The following USF3 variants were observed in gnomAD, a reference collection of about 807,000 sequenced individuals.
USF3 encodes upstream transcription factor family member 3.
A neutral mutation model predicts 157.5 loss-of-function variants in USF3; 29 were observed. The observed-to-expected ratio is 0.18, with a 90% CI of 0.14 to 0.25. USF3 has a LOEUF of 0.25. Among genes scored for constraint, USF3 ranks in the 10% least tolerant of loss-of-function variants. The pLI is 1.00. For synonymous variants in USF3, 893 were observed against 941.4 expected, an observed-to-expected ratio of 0.95 and a Z score of 0.94; for missense variants, 2,381 against 2,667.6, an observed-to-expected ratio of 0.89 and a Z score of 2.37.
chr3:113,676,924 G>A (rs948587813), intron 2 of USF3, among the ~76,000 whole-genome samples: 2 of 152,080 alleles, frequency 1.3e-5, no homozygotes, highest in South Asian at 2.1e-4. Context: ...GAAATTTTGC[G>A]GGTACAGCAC....
rs1947248539 is a variant in USF3, at chr3:113,650,836, C to T, written c.*4108G>A. On this transcript the variant is annotated 3_prime_UTR_variant, in exon 7 of 7. Transcript: ENST00000316407. ...AAAATAACCCCCTCCTTTCTCTTTC[C>T]CCAGTTCTGATATGTTAAATTTTAC... 1 of 152,070 alleles carries T rather than the reference C, an allele frequency of 6.6e-6. No individual in the cohort carries two copies. The highest frequency in any genetic ancestry group is 1.5e-5 in the Non-Finnish European group (1 of 68,012). 9.4% of individuals were successfully genotyped at this position (152,070 alleles called of 1,614,324 possible).
Position 113,685,364 on chromosome 3 carries a change from T to C in USF3, c.-134-7967A>G, listed in dbSNP as rs1169311734. 2.6e-5 allele frequency among the ~76,000 whole-genome samples: 4 copies of C among 152,140 alleles called. 1 individual carries two copies. The East Asian group carries it at 7.7e-4, about 29-fold the overall frequency. ...GCAACTATCTCCTGACTATCACTGA[T>C]GTTTATTCAAGCCCAGGGGCTCTTT... On this transcript the variant is annotated intron_variant, in intron 1 of 6. Coordinates refer to ENST00000316407, the MANE Select transcript of USF3 (RefSeq NM_001009899.4).
Position 113,656,593 on chromosome 3 carries a change from G to T in USF3, c.5089C>A (p.Gln1697Lys). 6.2e-7 allele frequency: 1 copy of T among 1,614,166 alleles called. No homozygotes were observed. Among genetic ancestry groups the T allele is most frequent in the Middle Eastern group, 1.6e-4 (1 of 6,062 alleles). Residue 1697 changes from glutamine (Q) to lysine (K), a missense_variant, in exon 7 of 7, where the codon CAG becomes AAG. Gln to Lys is a moderately conservative substitution (Grantham distance 53). Around this residue, in one of 6 missense-constraint regions of USF3, gnomAD observed 770 missense variants for 824.2 expected, o/e 0.93. Transcript: ENST00000316407. ...ISIQGSRVSD[Q>K]LEMRSYLDVP... ...TCAAGATAGCTTCTCATTTCAAGCT[G>T]ATCTGAAACTCTGGAACCCTGAATT...
intron 6 of USF3, among the ~76,000 whole-genome samples, chr3:113,663,760 C>T (rs1947522443): frequency 6.6e-6 from 1 of 152,196 alleles, no homozygotes; most frequent in Non-Finnish European, 1.5e-5. Context: ...ACTTTCTCTC[C>T]AATGCTAATG....
Position 113,655,550 on chromosome 3 carries a change from G to A in USF3, c.6132C>T (p.Ser2044=), listed in dbSNP as rs555995730. Residue 2044 remains serine (S), a synonymous_variant, in exon 7 of 7, where the codon AGC becomes AGT. Coordinates refer to ENST00000316407, the MANE Select transcript of USF3 (RefSeq NM_001009899.4). ...RGSIVRFMPD[S]PQVPNDNSGP... ...CTGAATTATCATTAGGTACTTGTGG[G>A]CTATCAGGCATGAAACGAACAATAC... 2.5e-6 allele frequency: 4 copies of A among 1,614,170 alleles called. No homozygotes were observed. The highest frequency in any genetic ancestry group is 1.3e-5 in the African/African-American group (1 of 75,034).
At chr3:113,672,332 G>C (rs1707177638) in intron 4 of USF3, among the ~76,000 whole-genome samples, 1 of 151,512 alleles carries the variant, frequency 6.6e-6, no homozygotes, top group Admixed American at 6.6e-5. Flanking sequence ...CGCCATGTTG[G>C]CCAGGCTGGT....
rs188019825 is a variant in USF3, at chr3:113,683,268, A to C, written c.-134-5871T>G. 2.3e-4 allele frequency among the ~76,000 whole-genome samples: 35 copies of C among 149,438 alleles called. No homozygotes were observed. The East Asian group carries it at 3.4e-3, about 14-fold the overall frequency. ...CTCTAGTTTTTAATCTATAAAAACTATTATCTAGTTTTTAATCTATAAAAA... is the reference window on the plus strand; with the variant it reads ...CTCTAGTTTTTAATCTATAAAAACTCTTATCTAGTTTTTAATCTATAAAAA... On this transcript the variant is annotated intron_variant, in intron 1 of 6. Coordinates refer to ENST00000316407, the MANE Select transcript of USF3 (RefSeq NM_001009899.4).
rs1171552250 is a variant in USF3 at position 113,648,580 on chromosome 3, T to C, written c.*6364A>G. The stretch of plus-strand genomic sequence containing the variant: ...AAGATGTCAAAATAAACAGGACCTA[T>C]TCTTATTTACAACTGTAGGACAATC... On this transcript the variant is annotated 3_prime_UTR_variant, in exon 7 of 7. Coordinates refer to ENST00000316407, the MANE Select transcript of USF3 (RefSeq NM_001009899.4). 1 of 152,622 alleles carries C rather than the reference T, an allele frequency of 6.6e-6. No homozygotes were observed. The highest frequency in any genetic ancestry group is 1.5e-5 in the Non-Finnish European group (1 of 68,016). The allele number at this position is 152,622 out of a possible 1,614,324, so 9.5% of individuals were successfully genotyped here. A position where few individuals can be genotyped will look rare whatever the true frequency, so the allele number is the denominator to read the frequency against.
rs1204309908 is a variant in USF3, at chr3:113,655,368, T to C, written c.6314A>G (p.Asn2105Ser). ...TPALIPVDPQ[N>S]TLPSFYPPYS... ...TGGAGGATAGAAGGAGGGCAGAGTA[T>C]TTTGCGGATCTACCGGGATGAGGGC... The change falls in exon 7 of 7, where the codon AAT (asparagine) becomes AGT (serine). Residue 2105 changes from asparagine (N) to serine (S), a missense_variant. This residue lies in a region of USF3 where 770 missense variants were observed against 824.2 expected (regional missense o/e 0.93). Coordinates refer to ENST00000316407, the MANE Select transcript of USF3 (RefSeq NM_001009899.4). The C allele has an allele frequency of 6.2e-7, 1 of 1,613,958 alleles. No homozygotes were observed. The highest frequency in any genetic ancestry group is 1.1e-5 in the South Asian group (1 of 91,074).
intron 4 of USF3, 115 bp downstream of exon 4, chr3:113,673,233 A>G: frequency 1.4e-6 from 1 of 728,722 alleles, no homozygotes; most frequent in South Asian, 1.7e-5. Flanking sequence ...ACATTTTCCT[A>G]AAACATAATG....
rs1947354550 is a variant in USF3, at chr3:113,656,172, C to T, written c.5510G>A (p.Arg1837Lys). ...HLSDQVIGSQRSLSEHQRNTQ... is the reference protein window; with the variant it reads ...HLSDQVIGSQKSLSEHQRNTQ... The stretch of plus-strand genomic sequence containing the variant: ...ATTCCTCTGATGTTCTGAGAGTGAC[C>T]TCTGGCTCCCAATGACCTGATCACT... Residue 1837 changes from arginine to lysine, a missense_variant, in exon 7 of 7, where the codon AGG becomes AAG. Coordinates refer to ENST00000316407, the MANE Select transcript of USF3 (RefSeq NM_001009899.4). 1 of 1,613,998 alleles carries T rather than the reference C, an allele frequency of 6.2e-7. No individual in the cohort carries two copies. Among genetic ancestry groups the T allele is most frequent in the Admixed American group, 1.7e-5 (1 of 60,004 alleles).
intron 1 of USF3, among the ~76,000 whole-genome samples, chr3:113,677,874 T>A (rs994050540): frequency 6.6e-6 from 1 of 152,164 alleles, no homozygotes; most frequent in South Asian, 2.1e-4. Flanking sequence ...TTGCATTGCA[T>A]GTGTTCTTTA....
intron 1 of USF3, among the ~76,000 whole-genome samples, chr3:113,690,950 G>T (rs1377809083): frequency 6.6e-6 from 1 of 152,132 alleles, no homozygotes; most frequent in African/African-American, 2.4e-5. Context: ...CACTTTGAGA[G>T]GCCAAGGGAG....
At chr3:113,689,886 G>A (rs1248479436) in intron 1 of USF3, among the ~76,000 whole-genome samples, 4 of 152,102 alleles carry the variant, frequency 2.6e-5, no homozygotes, top group Non-Finnish European at 4.4e-5. Flanking sequence ...TAACATGAAC[G>A]CTTTTCTTTC....
At position 113,656,995 on chromosome 3, in the gene USF3, G is replaced by T; in HGVS notation, c.4687C>A (p.Gln1563Lys). 6.2e-7 allele frequency: 1 copy of T among 1,614,176 alleles called. No individual in the cohort carries two copies. The highest frequency in any genetic ancestry group is 8.5e-7 in the Non-Finnish European group (1 of 1,180,040). The change falls in exon 7 of 7, where the codon CAG becomes AAG. Residue 1563 changes from glutamine (Q) to lysine (K), a missense_variant. Around this residue, in one of 6 missense-constraint regions of USF3, gnomAD observed 770 missense variants for 824.2 expected, o/e 0.93. Transcript: ENST00000316407. ...CCAAAGTGTTGCTGCATTTGTTGCTGCATCTGCTGATGGTGGGGATGTGGC... is the reference window on the plus strand; with the variant it reads ...CCAAAGTGTTGCTGCATTTGTTGCTTCATCTGCTGATGGTGGGGATGTGGC... ...GQPHPHHQQM[Q>K]QQMQQHFGSS...
rs567893125 is a variant in USF3, at chr3:113,687,828, T to C, written c.-135+8542A>G. Among the ~76,000 whole-genome samples, 30 of 152,380 alleles carry C rather than the reference T, an allele frequency of 2.0e-4. No individual in the cohort carries two copies. In the South Asian group the frequency reaches 5.8e-3, roughly 29 times the overall value. ...TAAGGCAGGAACAACTTCGTCCTTT[T>C]ATCCCAAGGGCTTAGCACAATACAT... On this transcript the variant is annotated intron_variant, in intron 1 of 6. Coordinates refer to ENST00000316407, the MANE Select transcript of USF3 (RefSeq NM_001009899.4).
chr3:113,655,733 T>A lies in USF3; in HGVS notation c.5949A>T (p.Gln1983His). The change falls in exon 7 of 7, where the codon CAA becomes CAT. Residue 1983 changes from glutamine (Q) to histidine (H), a missense_variant. Transcript: ENST00000316407. ...GACGAATTTTGGAACCACTGCTGTCTTGCAGGGGATGCCTTGATCTCTGGG... is the reference window on the plus strand; with the variant it reads ...GACGAATTTTGGAACCACTGCTGTCATGCAGGGGATGCCTTGATCTCTGGG... ...SVPQRSRHPL[Q>H]DSSGSKIRQP... The A allele has an allele frequency of 1.2e-6, 2 of 1,613,988 alleles. No individual in the cohort carries two copies. Among genetic ancestry groups the A allele is most frequent in the Non-Finnish European group, 1.7e-6 (2 of 1,179,956 alleles).
chr3:113,685,462 G>C (rs926563824), intron 1 of USF3, among the ~76,000 whole-genome samples: 1 of 152,130 alleles, frequency 6.6e-6, no homozygotes, highest in East Asian at 1.9e-4. Flanking sequence ...CTGGCCCAGT[G>C]GGGGGTCTAG....
intron 1 of USF3, among the ~76,000 whole-genome samples, chr3:113,682,871 T>C (rs1230848292): frequency 6.6e-6 from 1 of 151,974 alleles, no homozygotes; most frequent in Non-Finnish European, 1.5e-5. Context: ...GTGTGTTTGT[T>C]GTAGGCAACA....
Sources: allele counts gnomAD v4.1 joint callset (sites outside exome capture counted in the v4.1 genomes callset), GRCh38; gene constraint gnomAD v4.1.1; regional missense constraint gnomAD v4.1.1; transcripts MANE v1.5; gene names NCBI Gene and HGNC (gene_info 2026-07-23, HGNC 2026-07-21).